The following DYNC1I1 variants were observed in gnomAD, a reference collection of about 807,000 sequenced individuals.
DYNC1I1 encodes dynein cytoplasmic 1 intermediate chain 1, also known as cytoplasmic dynein 1 intermediate chain 1.
Under a neutral mutation model 86.6 loss-of-function variants are expected in DYNC1I1, and 43 were observed. The ratio of observed to expected loss-of-function variants is 0.50; its 90% CI spans 0.39 to 0.64. The LOEUF (loss-of-function observed/expected upper bound fraction) is 0.64, where lower values mean the gene tolerates loss of function less well. Ranked by LOEUF, DYNC1I1 falls within the 30% of genes least tolerant of loss-of-function variation. The probability of loss-of-function intolerance (pLI) is 0.00; values close to 1 mark genes in which losing one functional copy is unlikely to be tolerated. For synonymous variants in DYNC1I1, 262 were observed against 283.7 expected (o/e 0.92, Z 0.77); for missense variants, 604 against 788.8 (o/e 0.77, Z 2.81).
intron 6 of DYNC1I1, among the ~76,000 whole-genome samples, chr7:95,952,646 A>G (rs1005189799): frequency 6.6e-6 from 1 of 152,120 alleles, no homozygotes; most frequent in African/African-American, 2.4e-5. Flanking sequence ...CAGTCTGTCT[A>G]TTTTGAAGTG....
chr7:95,929,257 G>C (rs319313), intron 6 of DYNC1I1, among the ~76,000 whole-genome samples: 16,435 of 152,052 alleles, frequency 0.11, 1,200 homozygotes, highest in African/African-American at 0.2. Context: ...GTCCTCAAAG[G>C]CTGGCTGAGT....
At chr7:96,045,028 C>A (rs1161940704) in intron 14 of DYNC1I1, among the ~76,000 whole-genome samples, 2 of 151,816 alleles carry the variant, frequency 1.3e-5, no homozygotes, top group East Asian at 3.9e-4. Flanking sequence ...GATGGAGGGG[C>A]AATAGAGCAA....
intron 6 of DYNC1I1, among the ~76,000 whole-genome samples, chr7:95,960,775 T>A (rs1263625637): frequency 6.6e-6 from 1 of 152,184 alleles, no homozygotes; most frequent in Non-Finnish European, 1.5e-5. Context: ...CCTTTGCAGA[T>A]GAATACAAGC....
chr7:95,790,128 C>A (rs952273251), intron 1 of DYNC1I1, among the ~76,000 whole-genome samples: 1 of 152,142 alleles, frequency 6.6e-6, no homozygotes, highest in Non-Finnish European at 1.5e-5. Context: ...GAAGTTCAGA[C>A]CCCCTTAAAG....
intron 14 of DYNC1I1, among the ~76,000 whole-genome samples, chr7:96,049,491 A>G (rs569795475): frequency 3.5e-4 from 53 of 152,198 alleles, no homozygotes; most frequent in Admixed American, 6.5e-4. Flanking sequence ...AATAATGATT[A>G]CCTTCATAAT....
At chr7:95,882,398 G>A (rs571972727) in intron 6 of DYNC1I1, among the ~76,000 whole-genome samples, 2 of 152,296 alleles carry the variant, frequency 1.3e-5, no homozygotes, top group Admixed American at 1.3e-4. Flanking sequence ...CAGAAGAAGA[G>A]GACAAAGAGA....
At chr7:95,872,936 A>C (rs1330864078) in intron 6 of DYNC1I1, among the ~76,000 whole-genome samples, 1 of 152,152 alleles carries the variant, frequency 6.6e-6, no homozygotes, top group Non-Finnish European at 1.5e-5. Flanking sequence ...ATAGTGAGTG[A>C]GTGCATGGCT....
chr7:95,857,232 AT>A, intron 5 of DYNC1I1, among the ~76,000 whole-genome samples: 1 of 152,312 alleles, frequency 6.6e-6, no homozygotes, highest in South Asian at 2.1e-4. Context: ...AGTTGCAGCA[AT>A]AGCTTGGATA....
chr7:96,021,453 T>C (rs1393622191), intron 10 of DYNC1I1, among the ~76,000 whole-genome samples: 2 of 152,204 alleles, frequency 1.3e-5, no homozygotes, highest in Non-Finnish European at 2.9e-5. Context: ...GTCTTGAAGA[T>C]AACAAATAAG....
chr7:95,860,941 T>C (rs1789860849), intron 5 of DYNC1I1, among the ~76,000 whole-genome samples: 2 of 152,128 alleles, frequency 1.3e-5, no homozygotes, highest in African/African-American at 4.8e-5. Flanking sequence ...ACAATTGGGG[T>C]TTTCAATATA....
intron 15 of DYNC1I1, among the ~76,000 whole-genome samples, chr7:96,076,677 C>T (rs756859): frequency 0.51 from 78,278 of 152,004 alleles, 20,526 homozygotes; most frequent in South Asian, 0.6. Context: ...GTTTAGATCT[C>T]TCATCCATTT....
intron 10 of DYNC1I1, among the ~76,000 whole-genome samples, chr7:96,009,262 GC>G (rs1294395074): frequency 6.6e-6 from 1 of 152,138 alleles, no homozygotes. Context: ...TCCAATGACT[GC>G]CCGTGAAGCT....
intron 6 of DYNC1I1, among the ~76,000 whole-genome samples, chr7:95,941,518 C>T (rs1448407511): frequency 2.6e-5 from 4 of 152,148 alleles, no homozygotes; most frequent in Non-Finnish European, 5.9e-5. Context: ...GGGCGCCCCT[C>T]CCCCAGCCTC....
intron 5 of DYNC1I1, among the ~76,000 whole-genome samples, chr7:95,841,844 A>G (rs917801017): frequency 1.1e-4 from 17 of 152,316 alleles, no homozygotes; most frequent in African/African-American, 4.1e-4. Flanking sequence ...GGGAAAAGCT[A>G]GGAGCTGAGC....
At chr7:96,082,281 TA>T (rs34464231) in intron 16 of DYNC1I1, among the ~76,000 whole-genome samples, 14,261 of 148,306 alleles carry the variant, frequency 0.096, 954 homozygotes, top group East Asian at 0.23. Context: ...AGGAGAATGT[TA>T]AAAAAAAAAA....
chr7:95,808,749 G>T (rs17486495), intron 2 of DYNC1I1, among the ~76,000 whole-genome samples: 1 of 152,052 alleles, frequency 6.6e-6, no homozygotes, highest in Non-Finnish European at 1.5e-5. Context: ...TCCTCTCTGG[G>T]TTTCAGCTGT....
At chr7:95,790,454 A>G (rs1056967944) in intron 1 of DYNC1I1, among the ~76,000 whole-genome samples, 1 of 152,106 alleles carries the variant, frequency 6.6e-6, no homozygotes, top group Non-Finnish European at 1.5e-5. Context: ...TGCTTTCCTC[A>G]GGTCTGGTCT....
intron 10 of DYNC1I1, among the ~76,000 whole-genome samples, chr7:96,015,879 T>C (rs1026228348): frequency 6.6e-6 from 1 of 152,180 alleles, no homozygotes; most frequent in African/African-American, 2.4e-5. Context: ...ATATATCTTA[T>C]AGTAAGCACT....
intron 9 of DYNC1I1, among the ~76,000 whole-genome samples, chr7:95,990,488 T>C (rs1352093299): frequency 1.3e-5 from 2 of 152,228 alleles, no homozygotes; most frequent in Non-Finnish European, 2.9e-5. Context: ...CTTTATGTCA[T>C]GCCCTCTACT....
Sources: gnomAD v4.1 joint callset for allele counts (sites outside exome capture counted in the v4.1 genomes callset) on GRCh38, gnomAD v4.1.1 for gene constraint, MANE v1.5 for transcripts, NCBI Gene and HGNC (gene_info 2026-07-23, HGNC 2026-07-21) for gene names.